The following NTN1 variants were observed in gnomAD, a reference collection of about 807,000 sequenced individuals.
The protein encoded by NTN1 is netrin 1.
A neutral mutation model predicts 54.2 loss-of-function variants in NTN1; 11 were observed. That is an observed-to-expected ratio of 0.20 (90% confidence interval 0.13 to 0.34). NTN1 has a LOEUF of 0.34. Among genes scored for constraint, NTN1 ranks in the 10% least tolerant of loss-of-function variants. The pLI is 1.00. For synonymous variants in NTN1, 371 were observed against 382.0 expected (o/e 0.97, Z 0.33); for missense variants, 740 against 893.1 (o/e 0.83, Z 2.18).
chr17:9,055,874 A>G (rs1291409552), intron 2 of NTN1, among the ~76,000 whole-genome samples: 1 of 151,916 alleles, frequency 6.6e-6, no homozygotes, highest in Admixed American at 6.6e-5. Context: ...GGTGCATGCC[A>G]TTATGCCTGG....
intron 2 of NTN1, among the ~76,000 whole-genome samples, chr17:9,038,896 A>G (rs544777407): frequency 6.6e-6 from 1 of 152,236 alleles, no homozygotes; most frequent in East Asian, 1.9e-4. Flanking sequence ...ACTCGAAGTA[A>G]TATATTTTAA....
chr17:9,042,535 T>G (rs183237295), intron 2 of NTN1, among the ~76,000 whole-genome samples: 4 of 149,038 alleles, frequency 2.7e-5, no homozygotes, highest in Non-Finnish European at 5.9e-5. Context: ...ACGCCTGTAA[T>G]CCCACCACTT....
chr17:9,032,071 A>G (rs2151510045), intron 2 of NTN1, among the ~76,000 whole-genome samples: 1 of 152,306 alleles, frequency 6.6e-6, no homozygotes, highest in East Asian at 1.9e-4. Flanking sequence ...GAGAAGGTGC[A>G]GACGTGTCCA....
At chr17:9,231,171 GACC>G in intron 6 of NTN1, among the ~76,000 whole-genome samples, 1 of 152,120 alleles carries the variant, frequency 6.6e-6, no homozygotes, top group South Asian at 2.1e-4. Context: ...TGGCACTGAG[GACC>G]TCAGCACCCC....
chr17:9,086,715 A>C (rs896246764), intron 2 of NTN1, among the ~76,000 whole-genome samples: 1 of 152,012 alleles, frequency 6.6e-6, no homozygotes, highest in African/African-American at 2.4e-5. Context: ...CAATATCACT[A>C]TCTCCTTTAC....
intron 5 of NTN1, among the ~76,000 whole-genome samples, chr17:9,192,973 A>G (rs888079150): frequency 1.3e-5 from 2 of 150,932 alleles, no homozygotes; most frequent in African/African-American, 4.9e-5. Context: ...CCAGCTACGC[A>G]GGAGGCTGAG....
At chr17:9,210,570 A>G (rs1905078637) in intron 5 of NTN1, among the ~76,000 whole-genome samples, 1 of 152,162 alleles carries the variant, frequency 6.6e-6, no homozygotes, top group Non-Finnish European at 1.5e-5. Context: ...GTCATTTACT[A>G]TAGGATTCCC....
At chr17:9,233,906 C>T (rs1003924542) in intron 6 of NTN1, among the ~76,000 whole-genome samples, 5 of 152,202 alleles carry the variant, frequency 3.3e-5, no homozygotes, top group Non-Finnish European at 7.4e-5. Context: ...CAGGGTCTGG[C>T]TCTCTGATTC....
upstream of NTN1, among the ~76,000 whole-genome samples, chr17:9,020,182 G>A (rs2091841104): frequency 6.6e-6 from 1 of 152,244 alleles, no homozygotes; most frequent in Non-Finnish European, 1.5e-5. Flanking sequence ...GACAAACTGA[G>A]GCACTTAATG....
intron 5 of NTN1, among the ~76,000 whole-genome samples, chr17:9,205,858 C>T (rs1451636614): frequency 6.6e-6 from 1 of 152,250 alleles, no homozygotes; most frequent in Non-Finnish European, 1.5e-5. Context: ...GTCCTAATAC[C>T]ACCCGAACTG....
intron 1 of NTN1, among the ~76,000 whole-genome samples, 171 bp downstream of exon 1, chr17:9,021,756 C>T (rs1240985546): frequency 1.3e-5 from 2 of 151,464 alleles, no homozygotes; most frequent in East Asian, 3.9e-4. Flanking sequence ...CTGGCAAGCC[C>T]GCGCTGAGGC....
intron 6 of NTN1, among the ~76,000 whole-genome samples, chr17:9,228,187 G>A (rs1390927025): frequency 6.6e-6 from 1 of 152,184 alleles, no homozygotes; most frequent in Non-Finnish European, 1.5e-5. Flanking sequence ...CACACACGGT[G>A]TGGCCCATTC....
Position 9,224,740 on chromosome 17 carries a change from G to A in NTN1, c.1486+3498G>A, listed in dbSNP as rs111925903. ...GCCCCCACACCCATGGCCCAGGCGCGTCACCCAGCTGTCCACATTTCTGCT... is the reference window on the plus strand; with the variant it reads ...GCCCCCACACCCATGGCCCAGGCGCATCACCCAGCTGTCCACATTTCTGCT... On this transcript the variant is annotated intron_variant, in intron 6 of 6. Transcript: ENST00000173229. Among the ~76,000 whole-genome samples the A allele has an allele frequency of 8.8e-4, 131 of 149,684 alleles. 2 individuals are homozygous for A. The highest frequency in any genetic ancestry group is 3.5e-3 in the Middle Eastern group (1 of 282).
rs1277979324 is a variant in NTN1 at position 9,214,727 on chromosome 17, CAGG to C, written c.1412-6438_1412-6436del. Among the ~76,000 whole-genome samples the C allele has an allele frequency of 5.3e-5, 8 of 152,190 alleles. 1 individual carries two copies. The highest frequency in any genetic ancestry group is 4.6e-4 in the Admixed American group (7 of 15,282). On this transcript the variant is annotated intron_variant, in intron 5 of 6. Coordinates refer to ENST00000173229, the MANE Select transcript of NTN1 (RefSeq NM_004822.3). ...GTCCCAGCTACTCAGGAGGCTGAGG[CAGG>C]AGAATCGCTTGAACCCAGGAGGTGG...
chr17:9,014,162 C>T, the NTN1 span, among the ~76,000 whole-genome samples: 2 of 152,176 alleles, frequency 1.3e-5, no homozygotes, highest in South Asian at 4.1e-4. Context: ...ACTAGATTGG[C>T]CTGCTCCCCA....
chr17:9,229,028 GTGTGAC>G (rs1420487579), intron 6 of NTN1, among the ~76,000 whole-genome samples: 171 of 7,218 alleles, frequency 0.024, no homozygotes, highest in Middle Eastern at 0.042. Context: ...GTGTGAGACT[GTGTGAC>G]TGGGTGTGTG....
At chr17:9,018,220 G>A (rs1033108306), upstream of NTN1, among the ~76,000 whole-genome samples, 1 of 152,090 alleles carries the variant, frequency 6.6e-6, no homozygotes, top group African/African-American at 2.4e-5. Context: ...AAACTGGAAG[G>A]TGACCCCGCT....
intron 6 of NTN1, among the ~76,000 whole-genome samples, chr17:9,233,342 A>G (rs1404461545): frequency 2.0e-5 from 3 of 152,048 alleles, no homozygotes; most frequent in Non-Finnish European, 4.4e-5. Context: ...TCGGTTCCCA[A>G]CAGGCAGATG....
At chr17:9,097,180 A>G (rs1489826883) in intron 2 of NTN1, among the ~76,000 whole-genome samples, 4 of 152,184 alleles carry the variant, frequency 2.6e-5, no homozygotes, top group Non-Finnish European at 4.4e-5. Context: ...AAACATTTCA[A>G]ATAGTACAAA....
Sources: gnomAD v4.1 joint callset for allele counts (sites outside exome capture counted in the v4.1 genomes callset) on GRCh38, gnomAD v4.1.1 for gene constraint, MANE v1.5 for transcripts, NCBI Gene and HGNC (gene_info 2026-07-23, HGNC 2026-07-21) for gene names.